The following SUGCT variants were observed in gnomAD, a reference collection of about 807,000 sequenced individuals.
SUGCT encodes succinyl-CoA:glutarate CoA-transferase.
In SUGCT, 41 loss-of-function variants were observed where a neutral mutation model predicts 55.0. The ratio of observed to expected loss-of-function variants is 0.74; its 90% CI spans 0.58 to 0.97. The LOEUF (loss-of-function observed/expected upper bound fraction) is 0.97, where lower values mean the gene tolerates loss of function less well. Ranked by LOEUF, SUGCT falls within the 50% of genes least tolerant of loss-of-function variation. The pLI, the probability that SUGCT is intolerant of heterozygous loss-of-function variation, is 0.00. For synonymous variants in SUGCT, 187 were observed against 200.4 expected (o/e 0.93, Z 0.56); for missense variants, 568 against 547.8 (o/e 1.04, Z -0.37).
rs148381741 is a variant in SUGCT at position 40,508,299 on chromosome 7, G to A, written c.1089+11913G>A. ...AAGAACCCCGGTGCCTTGGCCTGCCGTGCCTAAGGTAGAGCTTCCACCCTA... is the reference window on the plus strand; with the variant it reads ...AAGAACCCCGGTGCCTTGGCCTGCCATGCCTAAGGTAGAGCTTCCACCCTA... On this transcript the variant is annotated intron_variant, in intron 12 of 13. Transcript: ENST00000335693. 3.6e-3 allele frequency among the ~76,000 whole-genome samples: 546 copies of A among 152,090 alleles called. 7 individuals are homozygous for A. In the East Asian group the frequency reaches 0.044, roughly 12 times the overall value.
chr7:40,724,230 A>G (rs1786496219), intron 12 of SUGCT, among the ~76,000 whole-genome samples: 1 of 152,174 alleles, frequency 6.6e-6, no homozygotes, highest in South Asian at 2.1e-4. Context: ...AAGTAGGAGA[A>G]TATTGCAAAT....
intron 6 of SUGCT, among the ~76,000 whole-genome samples, chr7:40,220,259 C>A (rs1480103390): frequency 6.6e-6 from 1 of 152,112 alleles, no homozygotes; most frequent in Non-Finnish European, 1.5e-5. Flanking sequence ...GCCATGCTGA[C>A]CCAGAAGTAG....
At chr7:40,744,089 A>AT (rs34967774) in intron 12 of SUGCT, among the ~76,000 whole-genome samples, 3,483 of 137,526 alleles carry the variant, frequency 0.025, 164 homozygotes, top group East Asian at 0.098. Context: ...ACCTGGCTAA[A>AT]TTTTTTTTTT....
At chr7:40,529,576 C>T (rs2151591607) in intron 12 of SUGCT, among the ~76,000 whole-genome samples, 1 of 152,258 alleles carries the variant, frequency 6.6e-6, no homozygotes, top group Middle Eastern at 3.4e-3. Flanking sequence ...CAGCAAAAGC[C>T]CTGAGAACCC....
chr7:40,924,733 G>A, the SUGCT span, among the ~76,000 whole-genome samples: 8 of 152,242 alleles, frequency 5.3e-5, no homozygotes, highest in African/African-American at 1.4e-4. Context: ...TGTGCATAAC[G>A]TACAGGCCAT....
At chr7:40,817,546 G>A (rs1468844414) in intron 13 of SUGCT, among the ~76,000 whole-genome samples, 1 of 152,196 alleles carries the variant, frequency 6.6e-6, no homozygotes, top group Non-Finnish European at 1.5e-5. Context: ...ACAAGACAAA[G>A]AGCTATTTTA....
intron 12 of SUGCT, among the ~76,000 whole-genome samples, chr7:40,510,235 T>C (rs1044445017): frequency 1.3e-5 from 2 of 152,068 alleles, no homozygotes; most frequent in African/African-American, 2.4e-5. Context: ...TTTAATTACA[T>C]ATATAATTCT....
intron 12 of SUGCT, among the ~76,000 whole-genome samples, chr7:40,666,232 C>A (rs1358901704): frequency 6.6e-6 from 1 of 151,920 alleles, no homozygotes; most frequent in Non-Finnish European, 1.5e-5. Context: ...TGCCTGTAAT[C>A]CCAGCTACTC....
In SUGCT at chr7:40,448,948, G is replaced by GTA. The variant is rs773686381; in HGVS notation, c.817-338_817-337insAT. On this transcript the variant is annotated intron_variant, in intron 9 of 13. Transcript: ENST00000335693. ...TATGTGTGTGTGTGTGTGTGTGTGTGTGTATATATATATAGAGAGAGAGAG... is the reference window on the plus strand; with the variant it reads ...TATGTGTGTGTGTGTGTGTGTGTGTGTATGTATATATATATAGAGAGAGAGAG... Among the ~76,000 whole-genome samples, 492 of 143,946 alleles carry GTA rather than the reference G, an allele frequency of 3.4e-3. 1 individual carries two copies. Among genetic ancestry groups the GTA allele is most frequent in the African/African-American group, 0.012 (433 of 35,450 alleles). The allele number at this position is 143,946 out of a possible 152,430, so 94.4% of individuals were successfully genotyped here. A position where few individuals can be genotyped will look rare whatever the true frequency, so the allele number is the denominator to read the frequency against.
At chr7:40,535,909 C>G (rs142282625) in intron 12 of SUGCT, among the ~76,000 whole-genome samples, 5 of 152,260 alleles carry the variant, frequency 3.3e-5, no homozygotes. Context: ...TGGCATTTCT[C>G]TGATGATTAG....
chr7:40,448,999 G>C (rs971155236), intron 9 of SUGCT, among the ~76,000 whole-genome samples: 1 of 150,966 alleles, frequency 6.6e-6, no homozygotes, highest in African/African-American at 2.4e-5. Context: ...GAGAGAGAGA[G>C]AGATCTATTC....
At chr7:40,721,994 C>A (rs1484335886) in intron 12 of SUGCT, among the ~76,000 whole-genome samples, 1 of 152,100 alleles carries the variant, frequency 6.6e-6, no homozygotes, top group Non-Finnish European at 1.5e-5. Context: ...CTTATAGAAA[C>A]CTTCAACCAA....
chr7:40,333,698 T>TAA (rs1796487673), intron 9 of SUGCT, among the ~76,000 whole-genome samples: 1 of 114,518 alleles, frequency 8.7e-6, no homozygotes, highest in East Asian at 2.5e-4. Flanking sequence ...TATATATATA[T>TAA]ATATAAATAT....
intron 9 of SUGCT, among the ~76,000 whole-genome samples, chr7:40,389,806 A>G (rs1785322753): frequency 6.6e-6 from 1 of 152,094 alleles, no homozygotes; most frequent in South Asian, 2.1e-4. Flanking sequence ...ATAGAAATGC[A>G]CAGGCTATGG....
At chr7:40,820,209 C>T in intron 13 of SUGCT, among the ~76,000 whole-genome samples, 1 of 152,176 alleles carries the variant, frequency 6.6e-6, no homozygotes, top group Non-Finnish European at 1.5e-5. Flanking sequence ...ATGCCTCCAG[C>T]TTTGTTCTTT....
intron 9 of SUGCT, among the ~76,000 whole-genome samples, chr7:40,319,898 C>G (rs755033111): frequency 6.6e-6 from 1 of 152,072 alleles, no homozygotes; most frequent in Non-Finnish European, 1.5e-5. Flanking sequence ...TCATAGCTTA[C>G]TGCAGCCTCG....
intron 12 of SUGCT, among the ~76,000 whole-genome samples, chr7:40,541,237 T>TA (rs1240138081): frequency 1.3e-5 from 2 of 152,064 alleles, no homozygotes; most frequent in African/African-American, 2.4e-5. Context: ...TGACAATAAA[T>TA]AAAGTGGCAA....
intron 6 of SUGCT, among the ~76,000 whole-genome samples, chr7:40,225,842 A>G (rs919946271): frequency 5.9e-5 from 9 of 152,200 alleles, no homozygotes; most frequent in African/African-American, 1.9e-4. Flanking sequence ...GTAGCTGTGT[A>G]TCTTTGGGTA....
chr7:40,306,590 T>G (rs1314899959), intron 8 of SUGCT, among the ~76,000 whole-genome samples: 16 of 152,248 alleles, frequency 1.1e-4, no homozygotes, highest in African/African-American at 3.9e-4. Context: ...AAACTAGAAT[T>G]GTAGAATAAT....
Sources: allele counts gnomAD v4.1 joint callset (sites outside exome capture counted in the v4.1 genomes callset), GRCh38; gene constraint gnomAD v4.1.1; transcripts MANE v1.5; gene names NCBI Gene and HGNC (gene_info 2026-07-23, HGNC 2026-07-21).